APBA2: variants seen among roughly 807,000 people sequenced by gnomAD.
APBA2 encodes the protein amyloid-beta A4 precursor protein-binding family A member 2.
Under a neutral mutation model 75.0 loss-of-function variants are expected in APBA2, and 30 were observed. The observed-to-expected ratio is 0.40, with a 90% CI of 0.30 to 0.54. APBA2 has a LOEUF of 0.54. Among genes scored for constraint, APBA2 ranks in the 20% least tolerant of loss-of-function variants. The pLI, the probability that APBA2 is intolerant of heterozygous loss-of-function variation, is 0.49. For synonymous variants in APBA2, 444 were observed against 409.6 expected (o/e 1.08, Z -1.01); for missense variants, 801 against 1,016.1 (o/e 0.79, Z 2.88).
chr15:29,091,868 G>A lies in APBA2; in HGVS notation c.1070-1207G>A, dbSNP rs370127086. The stretch of plus-strand genomic sequence containing the variant: ...GGGGAAGTGCAGGATGGCTGGGCCC[G>A]TGATGCTGGAGGGACTCAGGGAGGG... On this transcript the variant is annotated intron_variant, in intron 6 of 14. Transcript: ENST00000683413. Among the ~76,000 whole-genome samples, 35 of 152,328 alleles carry A rather than the reference G, an allele frequency of 2.3e-4. No homozygotes were observed. In the South Asian group the frequency reaches 6.2e-3, roughly 27 times the overall value.
intron 2 of APBA2, among the ~76,000 whole-genome samples, chr15:28,952,539 A>G (rs2035946085): frequency 6.6e-6 from 1 of 152,184 alleles, no homozygotes. Context: ...TTAAGAAAAA[A>G]GGAGTATCTG....
chr15:28,953,860 G>A (rs1049576122), intron 2 of APBA2, among the ~76,000 whole-genome samples: 1 of 152,104 alleles, frequency 6.6e-6, no homozygotes, highest in Non-Finnish European at 1.5e-5. Context: ...CACCATGGTT[G>A]ACCTCATTCC....
intron 3 of APBA2, among the ~76,000 whole-genome samples, chr15:29,029,659 G>A (rs1005502805): frequency 2.0e-5 from 3 of 152,198 alleles, no homozygotes; most frequent in Middle Eastern, 3.4e-3. Context: ...GTGTGGTATC[G>A]TGGGGGTGGA....
At chr15:29,073,674 AGT>A (rs1452666851) in intron 4 of APBA2, among the ~76,000 whole-genome samples, 1 of 152,200 alleles carries the variant, frequency 6.6e-6, no homozygotes, top group Non-Finnish European at 1.5e-5. Flanking sequence ...TTTTATCATC[AGT>A]GTCTTCCTTG....
chr15:28,988,478 G>C (rs1313520844), intron 2 of APBA2, among the ~76,000 whole-genome samples: 1 of 152,058 alleles, frequency 6.6e-6, no homozygotes, highest in Non-Finnish European at 1.5e-5. Context: ...TGGCCAGGCT[G>C]GTCTCGAACT....
At chr15:29,065,480 T>A (rs1165680574) in intron 4 of APBA2, among the ~76,000 whole-genome samples, 1 of 152,134 alleles carries the variant, frequency 6.6e-6, no homozygotes, top group Non-Finnish European at 1.5e-5. Flanking sequence ...GTGACTATGG[T>A]AATAGGGGGC....
intron 3 of APBA2, among the ~76,000 whole-genome samples, chr15:29,026,006 C>T (rs571464071): frequency 4.0e-4 from 61 of 151,922 alleles, no homozygotes; most frequent in Admixed American, 2.6e-4. Context: ...GATAACATAT[C>T]GGCCTTCCTG....
chr15:29,109,408 T>C (rs2044612323), intron 13 of APBA2, among the ~76,000 whole-genome samples: 1 of 152,184 alleles, frequency 6.6e-6, no homozygotes, highest in African/African-American at 2.4e-5. Context: ...AGCTTATTGC[T>C]TATTCATGCT....
At chr15:28,962,644 C>T (rs1295862454) in intron 2 of APBA2, among the ~76,000 whole-genome samples, 1 of 152,074 alleles carries the variant, frequency 6.6e-6, no homozygotes, top group East Asian at 1.9e-4. Context: ...AACTCCTGGG[C>T]TCAAGCCATC....
At chr15:28,978,467 G>A (rs2037455357) in intron 2 of APBA2, among the ~76,000 whole-genome samples, 1 of 152,240 alleles carries the variant, frequency 6.6e-6, no homozygotes. Context: ...GGGCCTGGAT[G>A]ACTTTAATGG....
chr15:29,006,748 T>A (rs1240280326), intron 3 of APBA2, among the ~76,000 whole-genome samples: 3 of 152,182 alleles, frequency 2.0e-5, no homozygotes, highest in Admixed American at 2.0e-4. Context: ...ATGATACAGT[T>A]ATCGCTACCT....
chr15:29,112,987 A>T (rs1208626815), intron 13 of APBA2, among the ~76,000 whole-genome samples: 1 of 152,104 alleles, frequency 6.6e-6, no homozygotes, highest in Non-Finnish European at 1.5e-5. Context: ...TTCATGCAGC[A>T]TAGTGTCCCC....
rs781243196 is a variant in APBA2, at chr15:29,117,241, G to A, written c.*108G>A. 20 of 1,043,864 alleles carry A rather than the reference G, an allele frequency of 1.9e-5. No homozygotes were observed. The highest frequency in any genetic ancestry group is 1.9e-4 in the Admixed American group (10 of 53,626). 64.7% of individuals were successfully genotyped at this position (1,043,864 alleles called of 1,614,324 possible). ...GACCCCGACGCCACAGCCCAGCCAC[G>A]GACGCTGGCTCCCCAAAGGGTGTGC... On this transcript the variant is annotated 3_prime_UTR_variant, in exon 15 of 15. Coordinates refer to ENST00000683413, the MANE Select transcript of APBA2 (RefSeq NM_001353788.2).
intron 1 of APBA2, among the ~76,000 whole-genome samples, chr15:28,910,421 C>T (rs1478822490): frequency 1.3e-5 from 2 of 152,150 alleles, no homozygotes; most frequent in African/African-American, 4.8e-5. Context: ...ATGATTCCTG[C>T]CAAAATCTTA....
chr15:28,911,864 A>G (rs2033444600), intron 1 of APBA2, among the ~76,000 whole-genome samples: 2 of 152,230 alleles, frequency 1.3e-5, no homozygotes, highest in South Asian at 4.1e-4. Context: ...TACCATTCCA[A>G]GTAAAATAAT....
At chr15:29,055,433 G>A (rs1566954119) in intron 4 of APBA2, among the ~76,000 whole-genome samples, 2 of 152,186 alleles carry the variant, frequency 1.3e-5, no homozygotes, top group Non-Finnish European at 2.9e-5. Flanking sequence ...TGCTAATGAG[G>A]GCAGTGGATG....
intron 13 of APBA2, 82 bp downstream of exon 13, chr15:29,108,471 G>T: frequency 6.2e-7 from 1 of 1,604,842 alleles, no homozygotes; most frequent in Non-Finnish European, 8.5e-7. Flanking sequence ...AATGGGGCAG[G>T]CTATGTCTGG....
At chr15:28,947,817 A>G (rs950331261) in intron 2 of APBA2, among the ~76,000 whole-genome samples, 4 of 152,174 alleles carry the variant, frequency 2.6e-5, no homozygotes, top group African/African-American at 9.6e-5. Context: ...ATACTACCTC[A>G]TTTATGGGTT....
At chr15:28,922,983 C>T (rs72625147) in intron 2 of APBA2, among the ~76,000 whole-genome samples, 6,383 of 152,290 alleles carry the variant, frequency 0.042, 353 homozygotes, top group East Asian at 0.28. Flanking sequence ...ACACCTCAGT[C>T]ACCACACCAC....
Sources: gnomAD v4.1 joint callset for allele counts (sites outside exome capture counted in the v4.1 genomes callset) on GRCh38, gnomAD v4.1.1 for gene constraint, MANE v1.5 for transcripts, NCBI Gene and HGNC (gene_info 2026-07-23, HGNC 2026-07-21) for gene names.